Variants in TAF4 observed in about 807,000 individuals in gnomAD.
The protein encoded by TAF4 is transcription initiation factor TFIID subunit 4.
Under a neutral mutation model 90.3 loss-of-function variants are expected in TAF4, and 9 were observed. The observed-to-expected ratio is 0.10, with a 90% confidence interval of 0.06 to 0.17. The LOEUF is 0.17. Among genes scored for constraint, TAF4 ranks in the 10% least tolerant of loss-of-function variants. The pLI, the probability that TAF4 is intolerant of heterozygous loss-of-function variation, is 1.00. For missense variants in TAF4, 1,351 were observed against 1,370.7 expected (o/e 0.99, Z 0.23); for synonymous variants, 818 against 638.9 (o/e 1.28, Z -4.23).
chr20:61,998,757 G>A (rs942321705), intron 12 of TAF4, among the ~76,000 whole-genome samples: 17 of 152,150 alleles, frequency 1.1e-4, no homozygotes, highest in African/African-American at 3.4e-4. Flanking sequence ...TGTGTGGAGC[G>A]TGAGGTGCTG....
chr20:61,976,131 T>C lies in TAF4; in HGVS notation c.*37A>G, dbSNP rs753993076. On this transcript the variant is annotated 3_prime_UTR_variant, in exon 15 of 15. Coordinates refer to ENST00000252996, the MANE Select transcript of TAF4 (RefSeq NM_003185.4). ...TTGCTCGTTACAAAAAGGCGTAATC[T>C]GCAAATATATAAAAAGTCCCCAGGC... is the stretch of plus-strand genomic sequence containing the variant. 5 of 1,606,654 alleles carry C rather than the reference T, an allele frequency of 3.1e-6. No homozygotes were observed. The South Asian group carries it at 5.5e-5, about 18-fold the overall frequency.
At chr20:62,039,107 T>G (rs182199937) in intron 1 of TAF4, among the ~76,000 whole-genome samples, 1 of 152,214 alleles carries the variant, frequency 6.6e-6, no homozygotes, top group Admixed American at 6.5e-5. Flanking sequence ...TTTGTAGAAG[T>G]TGACGAACTG....
intron 2 of TAF4, among the ~76,000 whole-genome samples, chr20:62,014,019 G>GGTGTGGGGGT (rs1180312447): frequency 2.8e-4 from 35 of 126,466 alleles, no homozygotes; most frequent in African/African-American, 1.2e-3. Context: ...CGGGGGTGTG[G>GGTGTGGGGGT]GTGTGTGTGT....
chr20:62,014,011 G>A (rs2055796552), intron 2 of TAF4, among the ~76,000 whole-genome samples: 1 of 127,312 alleles, frequency 7.9e-6, no homozygotes, highest in African/African-American at 3.8e-5. Flanking sequence ...GGCTGACGCG[G>A]GGGTGTGGGT....
At chr20:62,017,235 G>C (rs1364657680) in intron 1 of TAF4, among the ~76,000 whole-genome samples, 3 of 152,162 alleles carry the variant, frequency 2.0e-5, no homozygotes, top group Non-Finnish European at 4.4e-5. Context: ...ACGGAAACAG[G>C]ACAAAGGAGG....
rs542730690 is a variant in TAF4 at position 62,008,862 on chromosome 20, A to G, written c.1884+190T>C. 7.8e-5 allele frequency: 51 copies of G among 651,360 alleles called. 1 individual carries two copies. Among genetic ancestry groups the G allele is most frequent in the African/African-American group, 7.4e-4 (40 of 53,932 alleles). The allele number at this position is 651,360 out of a possible 1,614,324, so 40.3% of individuals were successfully genotyped here. Reference sequence around the variant, plus strand: ...CGCCGGCCCCAGAACACCCAGCCCCAGGAAGGAGTCTCCTTAGCTAGGCCA... The same window carrying G: ...CGCCGGCCCCAGAACACCCAGCCCCGGGAAGGAGTCTCCTTAGCTAGGCCA... On this transcript the variant is annotated intron_variant, in intron 5 of 14. Coordinates refer to ENST00000252996, the MANE Select transcript of TAF4 (RefSeq NM_003185.4).
chr20:62,046,336 G>A (rs552209029), intron 1 of TAF4, among the ~76,000 whole-genome samples: 11 of 152,176 alleles, frequency 7.2e-5, no homozygotes, highest in Non-Finnish European at 1.3e-4. Context: ...GATTTAAAAC[G>A]TTTCTATTCG....
At chr20:61,990,259 T>G (rs1473879063) in intron 14 of TAF4, among the ~76,000 whole-genome samples, 1 of 152,232 alleles carries the variant, frequency 6.6e-6, no homozygotes, top group East Asian at 1.9e-4. Flanking sequence ...GCAGACAGCG[T>G]GATGCTCATA....
At chr20:62,021,518 A>G (rs1351038165) in intron 1 of TAF4, among the ~76,000 whole-genome samples, 1 of 152,256 alleles carries the variant, frequency 6.6e-6, no homozygotes, top group Non-Finnish European at 1.5e-5. Context: ...GCGTGTTCAC[A>G]GCCAAGGGCC....
chr20:62,037,150 C>G (rs1184325899), intron 1 of TAF4, among the ~76,000 whole-genome samples: 1 of 151,580 alleles, frequency 6.6e-6, no homozygotes, highest in Non-Finnish European at 1.5e-5. Context: ...AAACCTGCAG[C>G]TGACATCATG....
intron 1 of TAF4, among the ~76,000 whole-genome samples, chr20:62,031,850 C>T (rs2055906198): frequency 6.6e-6 from 1 of 152,192 alleles, no homozygotes; most frequent in Non-Finnish European, 1.5e-5. Flanking sequence ...GGAGACGGGG[C>T]TCGCAGGGAA....
chr20:62,032,222 T>C (rs932886356), intron 1 of TAF4, among the ~76,000 whole-genome samples: 8 of 152,146 alleles, frequency 5.3e-5, no homozygotes, highest in African/African-American at 1.2e-4. Context: ...CGGCTCTGCT[T>C]TTCTGAGAGG....
chr20:61,986,878 T>A (rs115267528), intron 14 of TAF4, among the ~76,000 whole-genome samples: 1 of 152,104 alleles, frequency 6.6e-6, no homozygotes, highest in African/African-American at 2.4e-5. Context: ...AAGACAGAAA[T>A]AGAAAGTCAG....
chr20:62,015,989 A>G (rs184425365), intron 1 of TAF4, among the ~76,000 whole-genome samples: 32 of 152,212 alleles, frequency 2.1e-4, no homozygotes, highest in African/African-American at 7.2e-4. Flanking sequence ...AAAACCAAAC[A>G]CCCAGCTGCA....
In TAF4 at chr20:61,976,027, A is replaced by T; in HGVS notation, c.*141T>A. 1.1e-6 allele frequency: 1 copy of T among 879,714 alleles called. No individual in the cohort carries two copies. Among genetic ancestry groups the T allele is most frequent in the African/African-American group, 1.7e-5 (1 of 59,208 alleles). The allele number at this position is 879,714 out of a possible 1,614,324, so 54.5% of individuals were successfully genotyped here. On this transcript the variant is annotated 3_prime_UTR_variant, in exon 15 of 15. Transcript: ENST00000252996. ...GTTACAGAAACGTGTTTTCTTTCAC[A>T]CTGAAGAGCTGATTTAGAAACAGGA...
At chr20:61,976,426 C>T in intron 14 of TAF4, 91 bp from the exon 15 acceptor site, 1 of 1,457,162 alleles carries the variant, frequency 6.9e-7, no homozygotes, top group Non-Finnish European at 9.5e-7. Context: ...TACCCCGATT[C>T]CAGAGGAGGC....
At chr20:62,044,796 G>A (rs1225531635) in intron 1 of TAF4, among the ~76,000 whole-genome samples, 4 of 152,204 alleles carry the variant, frequency 2.6e-5, no homozygotes, top group Admixed American at 6.5e-5. Context: ...CACCCCCAGC[G>A]CTGCCGAAAC....
At chr20:62,013,906 G>GGGGTGTGTGT (rs1226544830) in intron 2 of TAF4, among the ~76,000 whole-genome samples, 1 of 107,348 alleles carries the variant, frequency 9.3e-6, no homozygotes, top group Non-Finnish European at 1.9e-5. Flanking sequence ...GGCTGACGCG[G>GGGGTGTGTGT]GTGTGTGTGT....
At chr20:61,996,475 G>C (rs1178034263) in intron 14 of TAF4, among the ~76,000 whole-genome samples, 1 of 152,150 alleles carries the variant, frequency 6.6e-6, no homozygotes, top group Non-Finnish European at 1.5e-5. Flanking sequence ...AATCAGCCCA[G>C]AATTTTGTAA....
Sources: allele counts gnomAD v4.1 joint callset (sites outside exome capture counted in the v4.1 genomes callset), GRCh38; gene constraint gnomAD v4.1.1; transcripts MANE v1.5; gene names NCBI Gene and HGNC (gene_info 2026-07-23, HGNC 2026-07-21).